Variants in LINGO2 observed in about 807,000 individuals in gnomAD.
The protein encoded by LINGO2 is leucine-rich repeat and immunoglobulin-like domain-containing nogo receptor-interacting protein 2.
Under a neutral mutation model 30.6 loss-of-function variants are expected in LINGO2, and 14 were observed. That is an observed-to-expected ratio of 0.46 (90% CI 0.30 to 0.72). The LOEUF is 0.72. Ranked by LOEUF, LINGO2 falls within the 30% of genes least tolerant of loss-of-function variation. The pLI, the probability that LINGO2 is intolerant of heterozygous loss-of-function variation, is 0.07. For missense variants in LINGO2, 729 were observed against 751.7 expected, an observed-to-expected ratio of 0.97 and a Z score of 0.35; for synonymous variants, 317 against 288.5, an observed-to-expected ratio of 1.10 and a Z score of -1.00.
the LINGO2 span, among the ~76,000 whole-genome samples, chr9:28,809,809 A>G: frequency 6.6e-6 from 1 of 151,594 alleles, no homozygotes; most frequent in African/African-American, 2.4e-5. Context: ...ATGTCTTGCA[A>G]TTGAGCCACT....
the LINGO2 span, among the ~76,000 whole-genome samples, chr9:28,994,632 C>A: frequency 6.6e-6 from 1 of 151,532 alleles, no homozygotes. Context: ...TACAAGGCTA[C>A]AGTCACCAAA....
At chr9:28,472,837 G>C (rs1376666725) in intron 2 of LINGO2, among the ~76,000 whole-genome samples, 1 of 151,934 alleles carries the variant, frequency 6.6e-6, no homozygotes, top group East Asian at 1.9e-4. Context: ...TCTGTTATTT[G>C]TTGCCTCCAA....
chr9:28,109,403 G>C (rs1016685825), intron 4 of LINGO2, among the ~76,000 whole-genome samples: 1 of 152,268 alleles, frequency 6.6e-6, no homozygotes, highest in African/African-American at 2.4e-5. Context: ...AGGACAATCA[G>C]GCAATAGAAT....
intron 2 of LINGO2, among the ~76,000 whole-genome samples, chr9:28,384,037 A>G (rs1210124697): frequency 6.6e-6 from 1 of 152,114 alleles, no homozygotes; most frequent in Non-Finnish European, 1.5e-5. Flanking sequence ...ATAAAACATT[A>G]CACAATACAA....
chr9:29,091,024 T>C, the LINGO2 span, among the ~76,000 whole-genome samples: 2 of 152,196 alleles, frequency 1.3e-5, no homozygotes, highest in Admixed American at 1.3e-4. Flanking sequence ...GAAACACAAA[T>C]TCTTCTGAGC....
chr9:28,954,081 AT>A, the LINGO2 span, among the ~76,000 whole-genome samples: 1 of 152,314 alleles, frequency 6.6e-6, no homozygotes, highest in Admixed American at 6.5e-5. Flanking sequence ...AATTTTCAAA[AT>A]TTTAACTTTT....
chr9:28,858,640 A>T, the LINGO2 span, among the ~76,000 whole-genome samples: 6 of 151,996 alleles, frequency 3.9e-5, no homozygotes, highest in Non-Finnish European at 8.8e-5. Context: ...GTTACTTCAG[A>T]GTCACACATT....
At chr9:28,552,644 ATTTT>A (rs1018381142) in intron 1 of LINGO2, among the ~76,000 whole-genome samples, 1 of 140,482 alleles carries the variant, frequency 7.1e-6, no homozygotes, top group Non-Finnish European at 1.6e-5. Context: ...ACTTTTTATG[ATTTT>A]TTTTTTTCAT....
the LINGO2 span, among the ~76,000 whole-genome samples, chr9:29,022,823 T>C: frequency 6.6e-6 from 1 of 152,142 alleles, no homozygotes; most frequent in African/African-American, 2.4e-5. Flanking sequence ...ATCAAGGCAT[T>C]GTTACTCTCT....
chr9:28,320,392 C>A (rs1048294422), intron 3 of LINGO2, among the ~76,000 whole-genome samples: 2 of 152,160 alleles, frequency 1.3e-5, no homozygotes, highest in Non-Finnish European at 2.9e-5. Context: ...TAGTGAGACA[C>A]CTGTGCAACT....
At chr9:28,859,588 G>A in the LINGO2 span, among the ~76,000 whole-genome samples, 1 of 151,644 alleles carries the variant, frequency 6.6e-6, no homozygotes, top group East Asian at 1.9e-4. Context: ...TAATTTTTAG[G>A]TAAAATGATT....
At chr9:28,052,359 C>A (rs145383735) in intron 4 of LINGO2, among the ~76,000 whole-genome samples, 48 of 152,174 alleles carry the variant, frequency 3.2e-4, no homozygotes, top group Non-Finnish European at 2.6e-4. Context: ...AACATTATTT[C>A]TGCTTTAACA....
At chr9:28,616,909 C>G (rs145720921) in intron 1 of LINGO2, among the ~76,000 whole-genome samples, 1 of 152,294 alleles carries the variant, frequency 6.6e-6, no homozygotes, top group East Asian at 1.9e-4. Flanking sequence ...TTCATCACAA[C>G]TATAAACAGA....
the LINGO2 span, among the ~76,000 whole-genome samples, chr9:28,675,889 ATG>A: frequency 2.2e-5 from 3 of 138,958 alleles, no homozygotes; most frequent in Admixed American, 1.5e-4. Context: ...AGAAAAAAAA[ATG>A]TGTGTGTGTG....
chr9:28,835,689 C>T, the LINGO2 span, among the ~76,000 whole-genome samples: 2 of 152,202 alleles, frequency 1.3e-5, no homozygotes, highest in African/African-American at 4.8e-5. Context: ...GTCCAGCTTG[C>T]TAACATTTTC....
chr9:28,621,180 T>C (rs1018927145), intron 1 of LINGO2, among the ~76,000 whole-genome samples: 7 of 152,166 alleles, frequency 4.6e-5, no homozygotes, highest in Admixed American at 3.3e-4. Context: ...TTTTAAACTA[T>C]ATAACATAAA....
intron 5 of LINGO2, among the ~76,000 whole-genome samples, chr9:28,003,247 TACA>T (rs1282180434): frequency 1.3e-5 from 2 of 152,134 alleles, no homozygotes; most frequent in Non-Finnish European, 2.9e-5. Context: ...TTTAATTCAC[TACA>T]ACAACTGCTG....
intron 1 of LINGO2, among the ~76,000 whole-genome samples, chr9:28,520,288 T>G (rs775367791): frequency 6.6e-5 from 10 of 152,156 alleles, no homozygotes; most frequent in Non-Finnish European, 1.2e-4. Context: ...ATTATGACGA[T>G]GTAGGTTTTT....
chr9:28,220,362 A>G (rs1367659086), intron 4 of LINGO2, among the ~76,000 whole-genome samples: 1 of 152,172 alleles, frequency 6.6e-6, no homozygotes. Flanking sequence ...ACCATTTAAA[A>G]TCATCTTGTT....
Sources: gnomAD v4.1 joint callset for allele counts (sites outside exome capture counted in the v4.1 genomes callset) on GRCh38, gnomAD v4.1.1 for gene constraint, MANE v1.5 for transcripts, NCBI Gene and HGNC (gene_info 2026-07-23, HGNC 2026-07-21) for gene names.